Variants in RNLS observed in about 807,000 individuals in gnomAD.
The protein encoded by RNLS is renalase.
A neutral mutation model predicts 39.8 loss-of-function variants in RNLS; 39 were observed. The ratio of observed to expected loss-of-function variants is 0.98; its 90% CI spans 0.76 to 1.28. The LOEUF is 1.28. RNLS is among the 50% of genes most tolerant of loss of function. The pLI is 0.00. For synonymous variants in RNLS, 147 were observed against 150.7 expected (o/e 0.98, Z 0.18); for missense variants, 410 against 413.3 (o/e 0.99, Z 0.07).
intron 4 of RNLS, among the ~76,000 whole-genome samples, chr10:88,542,310 C>T (rs541052987): frequency 6.6e-6 from 1 of 152,088 alleles, no homozygotes; most frequent in Non-Finnish European, 1.5e-5. Context: ...GGAGTCAGCA[C>T]GTGACTGGGA....
intron 4 of RNLS, among the ~76,000 whole-genome samples, chr10:88,396,587 CTT>C (rs1349469385): frequency 6.6e-6 from 1 of 150,918 alleles, no homozygotes; most frequent in Non-Finnish European, 1.5e-5. Context: ...TAAAAAATGA[CTT>C]AAGACATATA....
At chr10:88,538,721 G>C (rs900080019) in intron 4 of RNLS, among the ~76,000 whole-genome samples, 1 of 152,096 alleles carries the variant, frequency 6.6e-6, no homozygotes, top group Non-Finnish European at 1.5e-5. Context: ...GATGGTTTTA[G>C]ACCTTATTCT....
At chr10:88,420,076 A>G (rs2133752762) in intron 4 of RNLS, among the ~76,000 whole-genome samples, 1 of 149,356 alleles carries the variant, frequency 6.7e-6, no homozygotes, top group East Asian at 1.9e-4. Flanking sequence ...ATAAATAAAT[A>G]AATAAAATAA....
rs1458584363 is a variant in RNLS at position 88,580,512 on chromosome 10, A to G, written c.367+1055T>C. 3.3e-5 allele frequency among the ~76,000 whole-genome samples: 5 copies of G among 152,334 alleles called. No individual in the cohort carries two copies. The East Asian group carries it at 7.7e-4, about 23-fold the overall frequency. On this transcript the variant is annotated intron_variant, in intron 3 of 6. Coordinates refer to ENST00000331772, the MANE Select transcript of RNLS (RefSeq NM_001031709.3). ...CCTATATCCTTTCTCAGTTATCTCA[A>G]CTTGGGTACTTAACTGAATTATGAT...
chr10:88,282,604 G>A (rs570634756), downstream of RNLS, among the ~76,000 whole-genome samples: 137 of 152,010 alleles, frequency 9.0e-4, 1 homozygote, highest in African/African-American at 3.0e-3. Flanking sequence ...TGGGTAGGCG[G>A]GGGGTGGGGA....
chr10:88,282,052 A>G (rs565092531), downstream of RNLS, among the ~76,000 whole-genome samples: 3 of 152,274 alleles, frequency 2.0e-5, no homozygotes, highest in South Asian at 2.1e-4. Flanking sequence ...TGTCATTAGC[A>G]TGCAGCTATT....
At chr10:88,568,220 T>A (rs982835536) in intron 4 of RNLS, among the ~76,000 whole-genome samples, 3 of 152,104 alleles carry the variant, frequency 2.0e-5, no homozygotes, top group Admixed American at 2.0e-4. Context: ...GGCCTCCAGC[T>A]CCATCATGAC....
At chr10:88,582,818 G>C (rs1456858601) in intron 1 of RNLS, among the ~76,000 whole-genome samples, 1 of 152,186 alleles carries the variant, frequency 6.6e-6, no homozygotes, top group African/African-American at 2.4e-5. Context: ...TCCCTCTGTA[G>C]AGCGCGGGGT....
chr10:88,255,923 A>G, the RNLS span, among the ~76,000 whole-genome samples: 1 of 152,102 alleles, frequency 6.6e-6, no homozygotes, highest in Admixed American at 6.5e-5. Flanking sequence ...GCCCCTGGAC[A>G]TCTTCAAAGG....
In RNLS at chr10:88,575,312, G is replaced by A. The variant is rs539327791; in HGVS notation, c.368-2251C>T. On this transcript the variant is annotated intron_variant, in intron 3 of 6. Coordinates refer to ENST00000331772, the MANE Select transcript of RNLS (RefSeq NM_001031709.3). Reference sequence around the variant, plus strand: ...TATATATATGTCAGTGGTTCTCTAAGTATGAACCCCAGACCAGCAGCACCT... The same window carrying A: ...TATATATATGTCAGTGGTTCTCTAAATATGAACCCCAGACCAGCAGCACCT... Among the ~76,000 whole-genome samples, 16 of 149,920 alleles carry A rather than the reference G, an allele frequency of 1.1e-4. No individual in the cohort carries two copies. In the South Asian group the frequency reaches 3.2e-3, roughly 30 times the overall value.
intron 4 of RNLS, among the ~76,000 whole-genome samples, chr10:88,570,401 G>A (rs1268920791): frequency 6.6e-6 from 1 of 152,208 alleles, no homozygotes; most frequent in Non-Finnish European, 1.5e-5. Flanking sequence ...GACCAGTGAA[G>A]TTTTTCCTTA....
the RNLS span, among the ~76,000 whole-genome samples, chr10:88,173,041 G>C: frequency 6.6e-6 from 1 of 151,266 alleles, no homozygotes; most frequent in East Asian, 1.9e-4. Context: ...TATTTTTTTA[G>C]TAGAGACAGG....
intron 4 of RNLS, among the ~76,000 whole-genome samples, chr10:88,468,738 T>C (rs1037134147): frequency 1.3e-5 from 2 of 152,158 alleles, no homozygotes; most frequent in African/African-American, 4.8e-5. Flanking sequence ...AGGCCTCCTA[T>C]AGGTAAGAAA....
At chr10:88,176,794 G>T in the RNLS span, among the ~76,000 whole-genome samples, 1 of 151,944 alleles carries the variant, frequency 6.6e-6, no homozygotes, top group Non-Finnish European at 1.5e-5. Context: ...TTTAATTTAT[G>T]AATTCCCTCA....
the RNLS span, among the ~76,000 whole-genome samples, chr10:88,264,214 C>G: frequency 6.6e-6 from 1 of 152,194 alleles, no homozygotes; most frequent in Admixed American, 6.5e-5. Flanking sequence ...ATTTTATCCA[C>G]TTGTTGATTG....
At chr10:88,494,660 G>T (rs10509551) in intron 4 of RNLS, among the ~76,000 whole-genome samples, 28,298 of 151,990 alleles carry the variant, frequency 0.19, 2,902 homozygotes, top group Middle Eastern at 0.29. Context: ...AATATTACCA[G>T]TGTGAAGGAG....
At chr10:88,577,737 T>C (rs1040953048) in intron 3 of RNLS, among the ~76,000 whole-genome samples, 2 of 152,164 alleles carry the variant, frequency 1.3e-5, no homozygotes, top group Non-Finnish European at 2.9e-5. Flanking sequence ...TGCCAATAAA[T>C]ACAGCTTTCT....
intron 4 of RNLS, among the ~76,000 whole-genome samples, chr10:88,467,243 G>GT (rs539224839): frequency 2.7e-5 from 4 of 150,902 alleles, no homozygotes; most frequent in Non-Finnish European, 5.9e-5. Flanking sequence ...AAAAGGAAAA[G>GT]TTTTTTTCAA....
chr10:88,526,967 A>G (rs907542078), intron 4 of RNLS, among the ~76,000 whole-genome samples: 2 of 151,888 alleles, frequency 1.3e-5, no homozygotes, highest in African/African-American at 4.8e-5. Flanking sequence ...TGAGGGGTAG[A>G]AAAGAAAAAA....
Sources: allele counts gnomAD v4.1 joint callset (sites outside exome capture counted in the v4.1 genomes callset), GRCh38; gene constraint gnomAD v4.1.1; transcripts MANE v1.5; gene names NCBI Gene and HGNC (gene_info 2026-07-23, HGNC 2026-07-21).